NUP54: variants seen among roughly 807,000 people sequenced by gnomAD.
NUP54 encodes nucleoporin 54, also known as nucleoporin p54.
Under a neutral mutation model 66.4 loss-of-function variants are expected in NUP54, and 27 were observed. The observed-to-expected ratio is 0.41, with a 90% CI of 0.30 to 0.56. The LOEUF (loss-of-function observed/expected upper bound fraction) is 0.56, where lower values mean the gene tolerates loss of function less well. Among genes scored for constraint, NUP54 ranks in the 20% least tolerant of loss-of-function variants. NUP54 has a pLI of 0.34. For synonymous variants in NUP54, 206 were observed against 210.7 expected (o/e 0.98, Z 0.19); for missense variants, 486 against 596.3 (o/e 0.82, Z 1.93).
chr4:76,120,616 T>C (rs1188936177), intron 9 of NUP54, among the ~76,000 whole-genome samples: 1 of 151,522 alleles, frequency 6.6e-6, no homozygotes, highest in African/African-American at 2.4e-5. Context: ...TTTAGTAGAG[T>C]CGGGGTTTCA....
chr4:76,117,441 T>C (rs534087774), intron 11 of NUP54, among the ~76,000 whole-genome samples: 33 of 152,328 alleles, frequency 2.2e-4, no homozygotes, highest in African/African-American at 7.9e-4. Flanking sequence ...TATCCAGAAG[T>C]AGACCTGCTA....
chr4:76,148,077 T>C (rs1021724388), intron 1 of NUP54: 31 of 420,360 alleles, frequency 7.4e-5, no homozygotes, highest in African/African-American at 6.1e-4. Flanking sequence ...GCCAGGGCCC[T>C]GTGGAAACTC....
intron 9 of NUP54, among the ~76,000 whole-genome samples, chr4:76,123,138 G>A (rs755263083): frequency 6.6e-6 from 1 of 152,108 alleles, no homozygotes; most frequent in East Asian, 1.9e-4. Flanking sequence ...TGGTAATAAC[G>A]GTTATACAAG....
chr4:76,127,095 T>A (rs1383729505), intron 8 of NUP54, among the ~76,000 whole-genome samples: 10 of 152,144 alleles, frequency 6.6e-5, no homozygotes, highest in African/African-American at 1.4e-4. Context: ...GTAATTTAAA[T>A]TCTTTGATAA....
intron 9 of NUP54, 155 bp from the exon 10 acceptor site, chr4:76,118,349 A>G: frequency 1.5e-6 from 1 of 659,152 alleles, no homozygotes; most frequent in Non-Finnish European, 2.6e-6. Flanking sequence ...TGTCCATTTT[A>G]ACTAGGCAAA....
At chr4:76,121,475 A>C (rs932926290) in intron 9 of NUP54, among the ~76,000 whole-genome samples, 1 of 152,206 alleles carries the variant, frequency 6.6e-6, no homozygotes, top group African/African-American at 2.4e-5. Flanking sequence ...TTTTAGAGAC[A>C]GGGTCTCCCT....
intron 3 of NUP54, among the ~76,000 whole-genome samples, chr4:76,139,495 G>A (rs1731173336): frequency 6.6e-6 from 1 of 152,112 alleles, no homozygotes; most frequent in Non-Finnish European, 1.5e-5. Context: ...AAGACAACTG[G>A]AAAATTCATG....
At chr4:76,134,524 C>T (rs1578685507) in intron 4 of NUP54, among the ~76,000 whole-genome samples, 162 bp from the exon 5 acceptor site, 1 of 152,092 alleles carries the variant, frequency 6.6e-6, no homozygotes, top group East Asian at 1.9e-4. Flanking sequence ...TAGGAGGTCA[C>T]AAAATTATAA....
In NUP54 at chr4:76,136,204, A is replaced by G. The variant is rs774706978; in HGVS notation, c.504T>C (p.Asn168=). ...ATAATACCTTAAATCGGCAAAAGGG[A>G]TTTTCTTGTGTGAATTCCACTGGCG... The part of the protein sequence containing the change: ...NIPPVEFTQE[N]PFCRFKAVGY... Residue 168 remains asparagine (N), a synonymous_variant, in exon 4 of 12, where the codon AAT becomes AAC. Coordinates refer to ENST00000264883, the MANE Select transcript of NUP54 (RefSeq NM_017426.4). 1 of 1,613,566 alleles carries G rather than the reference A, an allele frequency of 6.2e-7. No individual in the cohort carries two copies. Among genetic ancestry groups the G allele is most frequent in the Non-Finnish European group, 8.5e-7 (1 of 1,179,566 alleles).
chr4:76,148,277 T>C, intron 1 of NUP54, 31 bp downstream of exon 1: 1 of 1,341,426 alleles, frequency 7.5e-7, no homozygotes. Flanking sequence ...TTCCCCTTCT[T>C]CCCGGGTGAA....
intron 1 of NUP54, among the ~76,000 whole-genome samples, chr4:76,146,666 G>A (rs1394960101): frequency 6.6e-6 from 1 of 152,132 alleles, no homozygotes; most frequent in African/African-American, 2.4e-5. Context: ...ATTCATATAC[G>A]AGCAGCTGAA....
At chr4:76,139,593 CAT>C (rs1731178318) in intron 3 of NUP54, among the ~76,000 whole-genome samples, 1 of 152,084 alleles carries the variant, frequency 6.6e-6, no homozygotes, top group Non-Finnish European at 1.5e-5. Flanking sequence ...TTGTTTGGAT[CAT>C]GATTCAAACA....
intron 6 of NUP54, 188 bp downstream of exon 6, chr4:76,132,335 C>T (rs12645639): frequency 0.12 from 45,418 of 391,282 alleles, 4,633 homozygotes; most frequent in African/African-American, 0.35. Flanking sequence ...TTAACATATA[C>T]ATATTAGCTA....
chr4:76,145,472 T>G, intron 1 of NUP54: 1 of 735,202 alleles, frequency 1.4e-6, no homozygotes, highest in Admixed American at 4.5e-5. Flanking sequence ...GTGAATTAAT[T>G]TATGTCTAAA....
chr4:76,147,943 G>A (rs6813486), intron 1 of NUP54: 45,332 of 315,526 alleles, frequency 0.14, 3,904 homozygotes, highest in East Asian at 0.34. Context: ...AACCACGCAA[G>A]CGTTCCCGCC....
chr4:76,144,282 A>G lies in NUP54; in HGVS notation c.162T>C (p.Gly54=). The G allele has an allele frequency of 6.2e-7, 1 of 1,610,000 alleles. No individual in the cohort carries two copies. The highest frequency in any genetic ancestry group is 8.5e-7 in the Non-Finnish European group (1 of 1,179,008). ...PTNTGTTGLF[G]GTQNKGFGFG... ...ATCCAAAACCTTTGTTCTGAGTACC[A>G]CCAAAGAGTCCTTTGAATGAAAAAT... The change falls in exon 3 of 12, where the codon GGT becomes GGC. Residue 54 remains glycine (G), a synonymous_variant. Coordinates refer to ENST00000264883, the MANE Select transcript of NUP54 (RefSeq NM_017426.4).
At chr4:76,144,615 A>T in intron 1 of NUP54, 142 bp from the exon 2 acceptor site, 1 of 619,430 alleles carries the variant, frequency 1.6e-6, no homozygotes, top group Non-Finnish European at 2.7e-6. Context: ...TTCAAGATCA[A>T]TTTTTTAAAA....
At chr4:76,132,879 C>A (rs11729776) in intron 5 of NUP54, among the ~76,000 whole-genome samples, 160 bp from the exon 6 acceptor site, 19,474 of 145,196 alleles carry the variant, frequency 0.13, 1,503 homozygotes, top group East Asian at 0.35. Flanking sequence ...TTTTTTTGAG[C>A]AAGGTTTGCT....
At chr4:76,143,721 T>A (rs1439516293) in intron 3 of NUP54, among the ~76,000 whole-genome samples, 7 of 152,126 alleles carry the variant, frequency 4.6e-5, no homozygotes, top group African/African-American at 1.7e-4. Context: ...AAGAAAATGA[T>A]CACCATAAAA....
Sources: allele counts gnomAD v4.1 joint callset (sites outside exome capture counted in the v4.1 genomes callset), GRCh38; gene constraint gnomAD v4.1.1; transcripts MANE v1.5; gene names NCBI Gene and HGNC (gene_info 2026-07-23, HGNC 2026-07-21).